The following KLHL42 variants were observed in gnomAD, a reference collection of about 807,000 sequenced individuals.
KLHL42 encodes the protein kelch-like protein 42.
In KLHL42, 27 loss-of-function variants were observed where a neutral mutation model predicts 32.7. That is an observed-to-expected ratio of 0.83 (90% CI 0.61 to 1.14). KLHL42 has a LOEUF of 1.14. Ranked by LOEUF, KLHL42 falls within the 50% of genes most tolerant of loss-of-function variation. The pLI, the probability that KLHL42 is intolerant of heterozygous loss-of-function variation, is 0.00. For missense variants in KLHL42, 491 were observed against 560.8 expected, an observed-to-expected ratio of 0.88 and a Z score of 1.26; for synonymous variants, 267 against 248.2, an observed-to-expected ratio of 1.08 and a Z score of -0.71.
chr12:27,785,558 T>G (rs1033317876), intron 1 of KLHL42, among the ~76,000 whole-genome samples: 1 of 152,140 alleles, frequency 6.6e-6, no homozygotes, highest in Admixed American at 6.5e-5. Context: ...GTACCCTTCT[T>G]TAGTTCCCTC....
intron 1 of KLHL42, among the ~76,000 whole-genome samples, chr12:27,784,300 AT>A (rs34586949): frequency 2.2e-3 from 313 of 141,796 alleles, no homozygotes; most frequent in Middle Eastern, 3.5e-3. Flanking sequence ...CGCCTGGCTA[AT>A]TTTTTTTTTT....
Position 27,798,432 on chromosome 12 carries a change from C to T in KLHL42, c.*266C>T, listed in dbSNP as rs1028382879. The T allele has an allele frequency of 4.4e-5, 17 of 389,148 alleles. No homozygotes were observed. Among genetic ancestry groups the T allele is most frequent in the African/African-American group, 8.3e-5 (4 of 48,444 alleles). 24.1% of individuals were successfully genotyped at this position (389,148 alleles called of 1,614,324 possible). A position where few individuals can be genotyped will look rare whatever the true frequency, so the allele number is the denominator to read the frequency against. On this transcript the variant is annotated 3_prime_UTR_variant, in exon 3 of 3. Transcript: ENST00000381271. ...AAACATGATACTCTTGGGCCAATGA[C>T]GGATCATCAAAATGTAGATTCATTG... is the stretch of plus-strand genomic sequence containing the variant.
rs2140826280 is a variant in KLHL42 at position 27,799,939 on chromosome 12, C to A, written c.*1773C>A. The A allele has an allele frequency of 5.6e-6, 5 of 895,106 alleles. No individual in the cohort carries two copies. Among genetic ancestry groups the A allele is most frequent in the Non-Finnish European group, 6.7e-6 (5 of 747,694 alleles). 55.4% of individuals were successfully genotyped at this position (895,106 alleles called of 1,614,324 possible). On this transcript the variant is annotated 3_prime_UTR_variant, in exon 3 of 3. Transcript: ENST00000381271. ...CCCTTAAAAAAATAAAACCTCTGAA[C>A]CAAAATCTTCCCAGGAATAGTACTT...
At chr12:27,786,117 A>C (rs1373771155) in intron 1 of KLHL42, among the ~76,000 whole-genome samples, 1 of 152,250 alleles carries the variant, frequency 6.6e-6, no homozygotes, top group Non-Finnish European at 1.5e-5. Flanking sequence ...ATGTGTAATA[A>C]GTACAGCAAC....
At chr12:27,786,474 C>T (rs1484004150) in intron 1 of KLHL42, among the ~76,000 whole-genome samples, 2 of 152,172 alleles carry the variant, frequency 1.3e-5, no homozygotes, top group East Asian at 1.9e-4. Context: ...CTGGATGAGG[C>T]ATCCAATACA....
At position 27,781,134 on chromosome 12, in the gene KLHL42, C is replaced by A; in HGVS notation, c.804C>A (p.Ile268=). The change falls in exon 1 of 3, where the codon ATC becomes ATA. Residue 268 remains isoleucine (I), a synonymous_variant. Transcript: ENST00000381271. ...VGGYRITSQE[I]SAAHSYNPST... ...GGTACAGGATCACTAGCCAGGAGATCTCCGCTGCGCATTCCTACAACCCCA... is the reference window on the plus strand; with the variant it reads ...GGTACAGGATCACTAGCCAGGAGATATCCGCTGCGCATTCCTACAACCCCA... 6.2e-7 allele frequency: 1 copy of A among 1,614,120 alleles called. No individual in the cohort carries two copies. The highest frequency in any genetic ancestry group is 1.1e-5 in the South Asian group (1 of 91,076).
Position 27,791,568 on chromosome 12 carries a change from C to A in KLHL42, c.873-140C>A. 3 of 718,612 alleles carry A rather than the reference C, an allele frequency of 4.2e-6. No individual in the cohort carries two copies. In the Admixed American group the frequency reaches 6.8e-5, roughly 16 times the overall value. The allele number at this position is 718,612 out of a possible 1,614,324, so 44.5% of individuals were successfully genotyped here. A position where few individuals can be genotyped will look rare whatever the true frequency, so the allele number is the denominator to read the frequency against. ...ATTCGAGAAGCCATCCTTTCCTCCT[C>A]TGTCCTCAGGCGGAATGGCCCCCAA... On this transcript the variant is annotated intron_variant, in intron 1 of 2. Coordinates refer to ENST00000381271, the MANE Select transcript of KLHL42 (RefSeq NM_020782.2).
chr12:27,784,300 ATTT>A (rs34586949), intron 1 of KLHL42, among the ~76,000 whole-genome samples: 1 of 142,016 alleles, frequency 7.0e-6, no homozygotes, highest in Non-Finnish European at 1.5e-5. Context: ...CGCCTGGCTA[ATTT>A]TTTTTTTTTT....
At position 27,797,943 on chromosome 12, in the gene KLHL42, A is replaced by G. The variant is rs547096472; in HGVS notation, c.1295A>G (p.Lys432Arg). 6 of 780,928 alleles carry G rather than the reference A, an allele frequency of 7.7e-6. No individual in the cohort carries two copies. The highest frequency in any genetic ancestry group is 1.4e-5 in the Non-Finnish European group (6 of 418,138). The allele number at this position is 780,928 out of a possible 1,614,324, so 48.4% of individuals were successfully genotyped here. A position where few individuals can be genotyped will look rare whatever the true frequency, so the allele number is the denominator to read the frequency against. Residue 432 changes from lysine (K) to arginine (R), a missense_variant, in exon 3 of 3, where the codon AAG (lysine) becomes AGG (arginine). This residue lies in a region of KLHL42 where 152 missense variants were observed against 125.9 expected (regional missense o/e 1.21). Coordinates refer to ENST00000381271, the MANE Select transcript of KLHL42 (RefSeq NM_020782.2). The stretch of plus-strand genomic sequence containing the variant: ...GTCACCCGCCAGTGGCTCTACCTCA[A>G]GGAGAACACGTCCAAATCGGGTCTT... ...NTVTRQWLYL[K>R]ENTSKSGLNL...
rs1214930651 is a variant in KLHL42 at position 27,780,841 on chromosome 12, T to G, written c.511T>G (p.Ser171Ala). 2 of 1,613,620 alleles carry G rather than the reference T, an allele frequency of 1.2e-6. No individual in the cohort carries two copies. Among genetic ancestry groups the G allele is most frequent in the Admixed American group, 1.7e-5 (1 of 60,010 alleles). ...CAAGCCCCAGTTCCACCTCCTGGGG[T>G]CTCCTCCCCAAGCTCCAGGGGATGT... The part of the protein sequence containing the change: ...LCKPQFHLLG[S>A]PPQAPGDVSL... The change falls in exon 1 of 3, where the codon TCT becomes GCT. Residue 171 changes from serine (S) to alanine (A), a missense_variant. Coordinates refer to ENST00000381271, the MANE Select transcript of KLHL42 (RefSeq NM_020782.2). This position sits in a 1 kb window ranked among gnomAD's most constrained non-coding sequence, Gnocchi z 8.8.
intron 1 of KLHL42, among the ~76,000 whole-genome samples, chr12:27,783,443 G>A (rs2062157348): frequency 6.6e-6 from 1 of 151,854 alleles, no homozygotes; most frequent in Non-Finnish European, 1.5e-5. Context: ...TGTGCACGGG[G>A]GTGTATCACC....
chr12:27,782,231 T>A (rs1233904884), intron 1 of KLHL42, among the ~76,000 whole-genome samples: 1 of 152,206 alleles, frequency 6.6e-6, no homozygotes, highest in Non-Finnish European at 1.5e-5. Flanking sequence ...TATATCTGTT[T>A]ATTTGACTCG....
intron 1 of KLHL42, among the ~76,000 whole-genome samples, chr12:27,785,305 T>C (rs1445191940): frequency 1.3e-5 from 2 of 152,186 alleles, no homozygotes; most frequent in Non-Finnish European, 2.9e-5. Context: ...GCTCAAGCAA[T>C]CCTCCTGCTT....
chr12:27,800,100 A>G lies in KLHL42; in HGVS notation c.*1934A>G, dbSNP rs1222475721. On this transcript the variant is annotated 3_prime_UTR_variant, in exon 3 of 3. Coordinates refer to ENST00000381271, the MANE Select transcript of KLHL42 (RefSeq NM_020782.2). ...GTTGCTGAAGAGCTTAACTTTTTAA[A>G]GGCTTTGTCCTATACATTTAGAAGA... 3.0e-6 allele frequency: 3 copies of G among 984,552 alleles called. No homozygotes were observed. Among genetic ancestry groups the G allele is most frequent in the African/African-American group, 1.7e-5 (1 of 57,252 alleles). The allele number at this position is 984,552 out of a possible 1,614,324, so 61.0% of individuals were successfully genotyped here. A position where few individuals can be genotyped will look rare whatever the true frequency, so the allele number is the denominator to read the frequency against.
chr12:27,799,436 A>T lies in KLHL42; in HGVS notation c.*1270A>T, dbSNP rs1312801944. On this transcript the variant is annotated 3_prime_UTR_variant, in exon 3 of 3. Transcript: ENST00000381271. ...ATTGAAAACACTCTGAAATTATCTG[A>T]TATTTTGTAATGGCATCAGTTAAAC... The T allele has an allele frequency of 6.6e-6, 1 of 152,206 alleles. No homozygotes were observed. The highest frequency in any genetic ancestry group is 1.9e-4 in the East Asian group (1 of 5,202). The allele number at this position is 152,206 out of a possible 1,614,324, so 9.4% of individuals were successfully genotyped here.
intron 1 of KLHL42, among the ~76,000 whole-genome samples, chr12:27,785,720 G>C (rs948320964): frequency 2.0e-5 from 3 of 151,350 alleles, no homozygotes; most frequent in African/African-American, 7.4e-5. Context: ...TTCCGATCAG[G>C]AACTAGGACT....
At chr12:27,789,592 C>A (rs1369843073) in intron 1 of KLHL42, among the ~76,000 whole-genome samples, 1 of 152,184 alleles carries the variant, frequency 6.6e-6, no homozygotes, top group Non-Finnish European at 1.5e-5. Flanking sequence ...TTTGATCTTA[C>A]AAAATTTACT....
In KLHL42 at chr12:27,780,857, C is replaced by T. The variant is rs2062144158; in HGVS notation, c.527C>T (p.Pro176Leu). Reference protein sequence around the residue: ...FHLLGSPPQAPGDVSLKQRLR... With the variant: ...FHLLGSPPQALGDVSLKQRLR... ...CTCCTGGGGTCTCCTCCCCAAGCTCCAGGGGATGTCAGCCTGAAGCAGAGG... is the reference window on the plus strand; with the variant it reads ...CTCCTGGGGTCTCCTCCCCAAGCTCTAGGGGATGTCAGCCTGAAGCAGAGG... Residue 176 changes from proline (P) to leucine (L), a missense_variant, in exon 1 of 3, where the codon CCA (proline) becomes CTA (leucine). By Grantham distance (98) the Pro-to-Leu change is moderately conservative. Coordinates refer to ENST00000381271, the MANE Select transcript of KLHL42 (RefSeq NM_020782.2). This position sits in a 1 kb window ranked among gnomAD's most constrained non-coding sequence, Gnocchi z 8.8. 1.2e-6 allele frequency: 2 copies of T among 1,613,754 alleles called. No individual in the cohort carries two copies. The highest frequency in any genetic ancestry group is 2.2e-5 in the South Asian group (2 of 91,094).
chr12:27,798,599 G>A lies in KLHL42; in HGVS notation c.*433G>A, dbSNP rs1259960916. ...TTTTTCTTATCAGTGTCCTTGACAA[G>A]CATTCATATTAACATATTCATTCTC... On this transcript the variant is annotated 3_prime_UTR_variant, in exon 3 of 3. Coordinates refer to ENST00000381271, the MANE Select transcript of KLHL42 (RefSeq NM_020782.2). The A allele has an allele frequency of 1.8e-5, 3 of 167,026 alleles. No homozygotes were observed. The highest frequency in any genetic ancestry group is 4.8e-5 in the African/African-American group (2 of 41,264). The allele number at this position is 167,026 out of a possible 1,614,324, so 10.3% of individuals were successfully genotyped here.
Sources: allele counts gnomAD v4.1 joint callset (sites outside exome capture counted in the v4.1 genomes callset), GRCh38; gene constraint gnomAD v4.1.1; regional missense constraint gnomAD v4.1.1; non-coding constraint Gnocchi (gnomAD v3.1); transcripts MANE v1.5; gene names NCBI Gene and HGNC (gene_info 2026-07-23, HGNC 2026-07-21).